AUTS2: variants seen among roughly 807,000 people sequenced by gnomAD.
AUTS2 encodes autism susceptibility gene 2 protein.
A neutral mutation model predicts 112.4 loss-of-function variants in AUTS2; 17 were observed. The observed-to-expected ratio is 0.15, with a 90% CI of 0.10 to 0.23. AUTS2 has a LOEUF of 0.23. Among genes scored for constraint, AUTS2 ranks in the 10% least tolerant of loss-of-function variants. The probability of loss-of-function intolerance (pLI) is 1.00; values close to 1 mark genes in which losing one functional copy is unlikely to be tolerated. For missense variants in AUTS2, 1,510 were observed against 1,701.6 expected, an observed-to-expected ratio of 0.89 and a Z score of 1.98; for synonymous variants, 751 against 702.7, an observed-to-expected ratio of 1.07 and a Z score of -1.09.
chr7:70,051,036 A>C (rs1801728290), intron 2 of AUTS2, among the ~76,000 whole-genome samples: 1 of 152,202 alleles, frequency 6.6e-6, no homozygotes, highest in South Asian at 2.1e-4. Context: ...AATGAGAAGA[A>C]GCTCCTCCGC....
chr7:70,724,157 G>A (rs982533338), intron 6 of AUTS2, among the ~76,000 whole-genome samples: 1 of 152,172 alleles, frequency 6.6e-6, no homozygotes, highest in Non-Finnish European at 1.5e-5. Flanking sequence ...CTCTCAAAGT[G>A]TTGGGATTAC....
chr7:70,028,054 C>T (rs371767514), intron 2 of AUTS2, among the ~76,000 whole-genome samples: 2 of 152,090 alleles, frequency 1.3e-5, no homozygotes, highest in African/African-American at 2.4e-5. Flanking sequence ...TATTCTTTCC[C>T]GCTCTGTCCG....
At chr7:70,395,043 A>G (rs1046042529) in intron 4 of AUTS2, among the ~76,000 whole-genome samples, 1 of 151,964 alleles carries the variant, frequency 6.6e-6, no homozygotes, top group African/African-American at 2.4e-5. Flanking sequence ...CTGTTATCTC[A>G]TTTTTTCTCT....
chr7:69,642,204 T>C (rs1437414836), intron 1 of AUTS2, among the ~76,000 whole-genome samples: 1 of 152,230 alleles, frequency 6.6e-6, no homozygotes, highest in African/African-American at 2.4e-5. Context: ...TAACCCATTT[T>C]GGAGCAATAA....
intron 2 of AUTS2, among the ~76,000 whole-genome samples, chr7:70,028,018 T>C (rs143149376): frequency 2.6e-5 from 4 of 152,304 alleles, no homozygotes; most frequent in Admixed American, 6.5e-5. Context: ...GGTGATAGGC[T>C]TCTGCACACA....
rs910375545 is a variant in AUTS2 at position 69,736,778 on chromosome 7, T to C, written c.309+136816T>C. ...AGGCTTCACCTATATGGGAAATGAG[T>C]AAAGACTTTTGGTGACTTTTTTTTC... On this transcript the variant is annotated intron_variant, in intron 1 of 18. Coordinates refer to ENST00000342771, the MANE Select transcript of AUTS2 (RefSeq NM_015570.4). 1.3e-4 allele frequency among the ~76,000 whole-genome samples: 20 copies of C among 152,162 alleles called. 1 individual carries two copies. Among genetic ancestry groups the C allele is most frequent in the African/African-American group, 4.8e-4 (20 of 41,450 alleles).
At chr7:69,836,201 A>G (rs953038058) in intron 1 of AUTS2, among the ~76,000 whole-genome samples, 4 of 152,186 alleles carry the variant, frequency 2.6e-5, no homozygotes, top group African/African-American at 4.8e-5. Flanking sequence ...TCAGCTTAGT[A>G]TAAACAGATT....
intron 2 of AUTS2, among the ~76,000 whole-genome samples, chr7:70,043,192 G>A (rs189189969): frequency 1.8e-4 from 27 of 152,186 alleles, no homozygotes; most frequent in Non-Finnish European, 3.2e-4. Context: ...CATAAATGGG[G>A]CAGGTCCATA....
At chr7:70,305,208 G>A (rs1269595684) in intron 4 of AUTS2, among the ~76,000 whole-genome samples, 4 of 151,564 alleles carry the variant, frequency 2.6e-5, no homozygotes, top group African/African-American at 9.7e-5. Flanking sequence ...TTATTACTTT[G>A]CACTGCATTT....
chr7:70,400,186 G>A (rs1439392384), intron 4 of AUTS2, among the ~76,000 whole-genome samples: 2 of 152,198 alleles, frequency 1.3e-5, no homozygotes, highest in Non-Finnish European at 2.9e-5. Flanking sequence ...TTAGAGTCAA[G>A]TGAGCCTGGG....
Position 69,614,370 on chromosome 7 carries a change from T to TCTTTCTTTCTTTCTTTTCTTTCTTTTC in AUTS2, c.309+14408_309+14409insCTTTCTTTCTTTCTTTTCTTTCTTTTC, listed in dbSNP as rs1322536871. On this transcript the variant is annotated intron_variant, in intron 1 of 18. Transcript: ENST00000342771. ...TTTCTTTCTTTCTTTCTTTCTTTTT[T>TCTTTCTTTCTTTCTTTTCTTTCTTTTC]TAAGAGATGGGATCTCACTCTGTTT... 4.2e-4 allele frequency among the ~76,000 whole-genome samples: 12 copies of TCTTTCTTTCTTTCTTTTCTTTCTTTTC among 28,506 alleles called. 2 individuals carry two copies. Among genetic ancestry groups the TCTTTCTTTCTTTCTTTTCTTTCTTTTC allele is most frequent in the Non-Finnish European group, 7.4e-4 (8 of 10,870 alleles). 18.7% of individuals were successfully genotyped at this position (28,506 alleles called of 152,430 possible). A position where few individuals can be genotyped will look rare whatever the true frequency, so the allele number is the denominator to read the frequency against.
chr7:70,275,736 T>C (rs536167797), intron 4 of AUTS2, among the ~76,000 whole-genome samples: 3 of 152,206 alleles, frequency 2.0e-5, no homozygotes, highest in African/African-American at 4.8e-5. Flanking sequence ...ACTCACAAGG[T>C]CTAATCATTT....
intron 1 of AUTS2, among the ~76,000 whole-genome samples, chr7:69,735,601 A>G (rs1456569413): frequency 1.3e-5 from 2 of 152,200 alleles, no homozygotes; most frequent in Non-Finnish European, 2.9e-5. Flanking sequence ...AGGGGCACAA[A>G]CAGATTAAGC....
intron 1 of AUTS2, among the ~76,000 whole-genome samples, chr7:69,864,808 T>C (rs1004417381): frequency 6.6e-6 from 1 of 152,134 alleles, no homozygotes; most frequent in African/African-American, 2.4e-5. Context: ...TAATGATCTA[T>C]CCAAATAGAT....
chr7:70,773,689 A>C (rs1790505579), intron 11 of AUTS2, among the ~76,000 whole-genome samples: 2 of 152,242 alleles, frequency 1.3e-5, no homozygotes, highest in Admixed American at 1.3e-4. Flanking sequence ...AAGCAAAAAA[A>C]CAGTGGCAGT....
At chr7:70,321,941 C>T (rs1790274646) in intron 4 of AUTS2, among the ~76,000 whole-genome samples, 1 of 152,078 alleles carries the variant, frequency 6.6e-6, no homozygotes, top group African/African-American at 2.4e-5. Flanking sequence ...CTTACTTGGT[C>T]AGTCCAAGTG....
intron 1 of AUTS2, among the ~76,000 whole-genome samples, chr7:69,650,742 G>T (rs1795251235): frequency 6.6e-6 from 1 of 152,204 alleles, no homozygotes; most frequent in African/African-American, 2.4e-5. Flanking sequence ...ATTCCTGTTT[G>T]CCTTTTTAAA....
In AUTS2 at chr7:70,730,792, A is replaced by G. The variant is rs1034724023; in HGVS notation, c.743-32078A>G. Among the ~76,000 whole-genome samples the G allele has an allele frequency of 9.2e-5, 14 of 152,328 alleles. No individual in the cohort carries two copies. The South Asian group carries it at 1.7e-3, about 18-fold the overall frequency. The stretch of plus-strand genomic sequence containing the variant: ...TAAGAGTGGAAGTGCTGGGTCATGT[A>G]TTAGCTCTATGGTTAGCCTTTTGAG... On this transcript the variant is annotated intron_variant, in intron 6 of 18. Transcript: ENST00000342771.
At chr7:69,990,511 G>A (rs556324102) in intron 2 of AUTS2, among the ~76,000 whole-genome samples, 3 of 152,282 alleles carry the variant, frequency 2.0e-5, no homozygotes, top group South Asian at 2.1e-4. Flanking sequence ...CTACTAAGAG[G>A]TGTGCGTGTG....
Sources: allele counts gnomAD v4.1 joint callset (sites outside exome capture counted in the v4.1 genomes callset), GRCh38; gene constraint gnomAD v4.1.1; transcripts MANE v1.5; gene names NCBI Gene and HGNC (gene_info 2026-07-23, HGNC 2026-07-21).